The following MALL variants were observed in gnomAD, a reference collection of about 807,000 sequenced individuals.
MALL encodes MAL-like protein.
A neutral mutation model predicts 10.3 loss-of-function variants in MALL; 2 were observed. The observed-to-expected ratio is 0.19, with a 90% CI of 0.08 to 0.61. The LOEUF is 0.61. Ranked by LOEUF, MALL falls within the 20% of genes least tolerant of loss-of-function variation. The pLI is 0.88. For synonymous variants in MALL, 27 were observed against 51.8 expected (o/e 0.52, Z 2.05); for missense variants, 39 against 115.2 (o/e 0.34, Z 3.03).
At chr2:110,095,347 C>T (rs1678418592) in intron 1 of MALL, among the ~76,000 whole-genome samples, 1 of 152,108 alleles carries the variant, frequency 6.6e-6, no homozygotes, top group Non-Finnish European at 1.5e-5. Context: ...TTGATTACAG[C>T]GAGCCATTTA....
At chr2:110,114,220 A>C in intron 1 of MALL, among the ~76,000 whole-genome samples, 1 of 148,182 alleles carries the variant, frequency 6.7e-6, no homozygotes, top group Non-Finnish European at 1.5e-5. Context: ...TTGAGGTCCA[A>C]CTCTTGGTGG....
At chr2:110,092,617 T>G (rs1280270108) in intron 1 of MALL, among the ~76,000 whole-genome samples, 1 of 99,668 alleles carries the variant, frequency 1.0e-5, no homozygotes, top group African/African-American at 3.0e-5. Flanking sequence ...GTTTAAGAAA[T>G]TCTTCTCACG....
chr2:110,116,612 G>A (rs1678928119), upstream of MALL: 2 of 152,376 alleles, frequency 1.3e-5, no homozygotes, highest in African/African-American at 4.8e-5. Flanking sequence ...CCAGTGCCTT[G>A]CCCCTAACTG....
intron 1 of MALL, chr2:110,097,603 C>T: frequency 4.4e-6 from 2 of 454,580 alleles, no homozygotes; most frequent in Non-Finnish European, 8.9e-6. Flanking sequence ...AGTAATGATG[C>T]CCTGGGAACC....
rs188563486 is a variant in MALL, at chr2:110,107,909, C to T, written c.105+7779G>A. Among the ~76,000 whole-genome samples the T allele has an allele frequency of 5.3e-5, 8 of 152,244 alleles. No homozygotes were observed. The East Asian group carries it at 1.4e-3, about 26-fold the overall frequency. Reference sequence around the variant, plus strand: ...GTACCAGCCCAGAGCCAGGTAAATTCGCTGGGTGGCTAGATCCAGAAGAGA... The same window carrying T: ...GTACCAGCCCAGAGCCAGGTAAATTTGCTGGGTGGCTAGATCCAGAAGAGA... On this transcript the variant is annotated intron_variant, in intron 1 of 3. Coordinates refer to ENST00000272462, the MANE Select transcript of MALL (RefSeq NM_005434.5).
intron 1 of MALL, among the ~76,000 whole-genome samples, chr2:110,106,960 C>T (rs976328195): frequency 6.6e-6 from 1 of 152,136 alleles, no homozygotes; most frequent in African/African-American, 2.4e-5. Flanking sequence ...AAGAAGCCAA[C>T]CTCAAAGACC....
At chr2:110,109,289 C>G (rs1303001722) in intron 1 of MALL, among the ~76,000 whole-genome samples, 4 of 152,092 alleles carry the variant, frequency 2.6e-5, no homozygotes, top group African/African-American at 7.2e-5. Flanking sequence ...CACCAACCCT[C>G]TGCTGCCTTC....
intron 1 of MALL, among the ~76,000 whole-genome samples, chr2:110,095,588 TA>T (rs565950112): frequency 8.0e-5 from 12 of 150,562 alleles, no homozygotes; most frequent in South Asian, 2.1e-4. Context: ...AATTTCCAAC[TA>T]AAAAAAAATA....
At chr2:110,104,380 G>T (rs568437056) in intron 1 of MALL, among the ~76,000 whole-genome samples, 51 of 152,216 alleles carry the variant, frequency 3.4e-4, no homozygotes, top group African/African-American at 1.2e-3. Flanking sequence ...CAGGCACAGC[G>T]CCTTTACAGA....
chr2:110,097,464 G>A, intron 1 of MALL: 1 of 456,548 alleles, frequency 2.2e-6, no homozygotes, highest in South Asian at 1.5e-5. Flanking sequence ...GAAGAGATAA[G>A]GAGGATGGCC....
chr2:110,108,664 A>G (rs1014716819), intron 1 of MALL, among the ~76,000 whole-genome samples: 1 of 152,220 alleles, frequency 6.6e-6, no homozygotes, highest in Non-Finnish European at 1.5e-5. Flanking sequence ...AGAGACCTAG[A>G]CAGCCAAATA....
intron 1 of MALL, among the ~76,000 whole-genome samples, chr2:110,092,901 CCT>C (rs1169528854): frequency 4.4e-4 from 19 of 43,490 alleles, no homozygotes; most frequent in Non-Finnish European, 1.3e-3. Flanking sequence ...TTAAATTTCC[CCT>C]GACAATTATT....
At chr2:110,112,871 GATATATATAT>G (rs1029798179) in intron 1 of MALL, among the ~76,000 whole-genome samples, 1 of 148,176 alleles carries the variant, frequency 6.7e-6, no homozygotes, top group Non-Finnish European at 1.5e-5. Flanking sequence ...AAGAAACTGT[GATATATATAT>G]ATATGTATAT....
chr2:110,116,097 G>C (rs1678916934), upstream of MALL: 1 of 285,624 alleles, frequency 3.5e-6, no homozygotes, highest in Middle Eastern at 9.5e-4. Flanking sequence ...TTATTCCAGG[G>C]GATGCCAGCG....
At chr2:110,116,913 T>C (rs574964455), upstream of MALL, among the ~76,000 whole-genome samples, 20 of 152,240 alleles carry the variant, frequency 1.3e-4, no homozygotes, top group South Asian at 3.3e-3. Context: ...GAAGAGGCCA[T>C]GTCTTGATCT....
chr2:110,116,618 A>C (rs1179101858), upstream of MALL: 1 of 152,414 alleles, frequency 6.6e-6, no homozygotes, highest in African/African-American at 2.4e-5. Context: ...CCTTGCCCCT[A>C]ACTGGGCTTG....
chr2:110,102,468 T>C (rs1347440690), intron 1 of MALL, among the ~76,000 whole-genome samples: 3 of 152,174 alleles, frequency 2.0e-5, no homozygotes, highest in Non-Finnish European at 4.4e-5. Flanking sequence ...GCATGGAGCC[T>C]GGCATAAAGC....
intron 1 of MALL, among the ~76,000 whole-genome samples, chr2:110,097,916 A>C (rs567927280): frequency 7.2e-4 from 110 of 152,174 alleles, no homozygotes; most frequent in African/African-American, 2.6e-3. Context: ...AAAGCCTAAA[A>C]AACTTCAGGC....
intron 1 of MALL, among the ~76,000 whole-genome samples, chr2:110,099,190 C>T (rs1237624703): frequency 6.6e-6 from 1 of 151,974 alleles, no homozygotes; most frequent in Non-Finnish European, 1.5e-5. Flanking sequence ...GAACATGGAG[C>T]GCTAAGGGGA....
Sources: gnomAD v4.1 joint callset for allele counts (sites outside exome capture counted in the v4.1 genomes callset) on GRCh38, gnomAD v4.1.1 for gene constraint, MANE v1.5 for transcripts, NCBI Gene and HGNC (gene_info 2026-07-23, HGNC 2026-07-21) for gene names.